DSCAM: variants seen among roughly 807,000 people sequenced by gnomAD.
The protein encoded by DSCAM is DS cell adhesion molecule, also known as cell adhesion molecule DSCAM.
DSCAM carries 47 observed loss-of-function variants against 217.7 expected under a neutral mutation model. That is an observed-to-expected ratio of 0.22 (90% CI 0.17 to 0.28). DSCAM has a LOEUF of 0.28. Among genes scored for constraint, DSCAM ranks in the 10% least tolerant of loss-of-function variants. DSCAM has a pLI of 1.00. For synonymous variants in DSCAM, 1,056 were observed against 1,015.3 expected (o/e 1.04, Z -0.76); for missense variants, 2,080 against 2,618.3 (o/e 0.79, Z 4.49).
intron 3 of DSCAM, among the ~76,000 whole-genome samples, chr21:40,437,195 G>T (rs1436705337): frequency 6.6e-6 from 1 of 152,102 alleles, no homozygotes; most frequent in Non-Finnish European, 1.5e-5. Flanking sequence ...CTTCAGAAGG[G>T]GTGTAGACAG....
intron 4 of DSCAM, among the ~76,000 whole-genome samples, chr21:40,360,843 G>T (rs1000883402): frequency 6.6e-6 from 1 of 152,160 alleles, no homozygotes; most frequent in Non-Finnish European, 1.5e-5. Context: ...TAATGGGATT[G>T]CTGGGTCAAA....
At chr21:40,139,174 G>A (rs754567152) in intron 18 of DSCAM, among the ~76,000 whole-genome samples, 4 of 151,168 alleles carry the variant, frequency 2.6e-5, no homozygotes, top group Non-Finnish European at 5.9e-5. Context: ...TGTGTGTGGT[G>A]TGGTATGTGG....
chr21:40,316,604 C>T (rs1441809732), intron 8 of DSCAM, among the ~76,000 whole-genome samples: 1 of 152,130 alleles, frequency 6.6e-6, no homozygotes, highest in African/African-American at 2.4e-5. Flanking sequence ...ACAGTAAAAG[C>T]TTGTATATCA....
At chr21:40,475,226 C>T (rs187239879) in intron 3 of DSCAM, among the ~76,000 whole-genome samples, 31 of 152,346 alleles carry the variant, frequency 2.0e-4, no homozygotes, top group African/African-American at 7.2e-4. Context: ...GTTTATTCCA[C>T]GTTTAAACCT....
intron 1 of DSCAM, among the ~76,000 whole-genome samples, chr21:40,787,152 T>C (rs925437729): frequency 2.0e-5 from 3 of 152,256 alleles, no homozygotes; most frequent in Admixed American, 6.5e-5. Context: ...TTTGCCACCA[T>C]GTGGCAGGTC....
intron 3 of DSCAM, among the ~76,000 whole-genome samples, chr21:40,613,076 G>A (rs1238745201): frequency 2.0e-5 from 3 of 152,128 alleles, no homozygotes; most frequent in East Asian, 1.9e-4. Flanking sequence ...ATGTGATGAC[G>A]AAAATCTCTA....
intron 11 of DSCAM, among the ~76,000 whole-genome samples, chr21:40,252,000 C>T (rs1435125384): frequency 6.6e-6 from 1 of 152,176 alleles, no homozygotes; most frequent in African/African-American, 2.4e-5. Flanking sequence ...CTCCTGACAA[C>T]AATTACATGA....
intron 11 of DSCAM, among the ~76,000 whole-genome samples, chr21:40,259,661 C>CT (rs542106779): frequency 0.1 from 5,971 of 59,198 alleles, 2,057 homozygotes; most frequent in Middle Eastern, 0.18. Flanking sequence ...GTCAGCCATT[C>CT]TTTTTTTTTT....
At position 40,256,438 on chromosome 21, in the gene DSCAM, G is replaced by C. The variant is rs143104160; in HGVS notation, c.2356+19659C>G. On this transcript the variant is annotated intron_variant, in intron 11 of 32. Coordinates refer to ENST00000400454, the MANE Select transcript of DSCAM (RefSeq NM_001389.5). ...AGAGAGAGAGACAGAGAGAGAGAGA[G>C]ACACACACAGACAGACACACACACA... 7.4e-3 allele frequency among the ~76,000 whole-genome samples: 1,061 copies of C among 143,962 alleles called. 12 individuals are homozygous for C. Among genetic ancestry groups the C allele is most frequent in the East Asian group, 0.039 (159 of 4,072 alleles). The allele number at this position is 143,962 out of a possible 152,430, so 94.4% of individuals were successfully genotyped here. A position where few individuals can be genotyped will look rare whatever the true frequency, so the allele number is the denominator to read the frequency against.
chr21:40,144,883 C>G lies in DSCAM; in HGVS notation c.3019-152G>C, dbSNP rs888068946. The G allele has an allele frequency of 2.7e-6, 3 of 1,104,138 alleles. No homozygotes were observed. The highest frequency in any genetic ancestry group is 2.6e-6 in the Non-Finnish European group (2 of 776,174). The allele number at this position is 1,104,138 out of a possible 1,614,324, so 68.4% of individuals were successfully genotyped here. ...CCGGTAGCAGCCGCAAACCCACGTA[C>G]AGTGCAACTTGGTCTGTGCCAGGCA... On this transcript the variant is annotated intron_variant, in intron 16 of 32. Coordinates refer to ENST00000400454, the MANE Select transcript of DSCAM (RefSeq NM_001389.5). The surrounding 1 kb of genome is among the most constrained non-coding windows in gnomAD (Gnocchi z 4.8).
At chr21:40,616,925 G>A (rs1405359050) in intron 3 of DSCAM, among the ~76,000 whole-genome samples, 12 of 148,234 alleles carry the variant, frequency 8.1e-5, no homozygotes, top group Admixed American at 8.1e-4. Context: ...GCTGAGGCAG[G>A]AGAGTGGCGT....
Position 40,013,160 on chromosome 21 carries a change from T to C in DSCAM, c.5913A>G (p.Leu1971=), listed in dbSNP as rs1383145522. The change falls in exon 33 of 33, where the codon TTA becomes TTG. Residue 1971 remains leucine (L), a synonymous_variant. Transcript: ENST00000400454. ...CCAGCTCTGCTCCCTCCCGCTGAGGTAATGTGGCCACGGCCCCCGGCTGCC... is the reference window on the plus strand; with the variant it reads ...CCAGCTCTGCTCCCTCCCGCTGAGGCAATGTGGCCACGGCCCCCGGCTGCC... ...QSWQPGAVAT[L]PQREGAELGQ... The C allele has an allele frequency of 1.3e-5, 21 of 1,613,510 alleles. No individual in the cohort carries two copies. The highest frequency in any genetic ancestry group is 1.7e-5 in the Non-Finnish European group (20 of 1,179,790).
intron 11 of DSCAM, among the ~76,000 whole-genome samples, chr21:40,266,641 A>ATATATATATATATATATATT (rs1198536188): frequency 3.6e-5 from 4 of 111,312 alleles, no homozygotes; most frequent in African/African-American, 1.8e-4. Context: ...TGTTTTATAT[A>ATATATATATATATATATATT]TATATATATA....
At chr21:40,104,339 A>C (rs1327550620) in intron 20 of DSCAM, among the ~76,000 whole-genome samples, 5 of 152,210 alleles carry the variant, frequency 3.3e-5, no homozygotes, top group African/African-American at 7.2e-5. Flanking sequence ...GAATTTACAA[A>C]ATTGAAAAAA....
At position 40,011,070 on chromosome 21, in the gene DSCAM, G is replaced by A. The variant is rs780817442; in HGVS notation, c.*1964C>T. 2 of 152,064 alleles carry A rather than the reference G, an allele frequency of 1.3e-5. No homozygotes were observed. Among genetic ancestry groups the A allele is most frequent in the Non-Finnish European group, 2.9e-5 (2 of 68,014 alleles). The allele number at this position is 152,064 out of a possible 1,614,324, so 9.4% of individuals were successfully genotyped here. A position where few individuals can be genotyped will look rare whatever the true frequency, so the allele number is the denominator to read the frequency against. On this transcript the variant is annotated 3_prime_UTR_variant, in exon 33 of 33. Coordinates refer to ENST00000400454, the MANE Select transcript of DSCAM (RefSeq NM_001389.5). Reference sequence around the variant, plus strand: ...AAAAAGGTAAACTTCTATGTTTGGGGGATATAGAAGTTTTAGGTTGATGAA... The same window carrying A: ...AAAAAGGTAAACTTCTATGTTTGGGAGATATAGAAGTTTTAGGTTGATGAA...
intron 3 of DSCAM, among the ~76,000 whole-genome samples, chr21:40,502,320 C>A (rs572723675): frequency 1.3e-5 from 2 of 152,196 alleles, no homozygotes; most frequent in East Asian, 3.9e-4. Flanking sequence ...TCAAGAAGAA[C>A]ATATCATACA....
At chr21:40,047,189 T>G (rs1260789184) in intron 30 of DSCAM, among the ~76,000 whole-genome samples, 1 of 152,160 alleles carries the variant, frequency 6.6e-6, no homozygotes, top group Non-Finnish European at 1.5e-5. Flanking sequence ...GACACATTTA[T>G]TTTTTAATAA....
At chr21:40,823,702 G>A (rs1358758105) in intron 1 of DSCAM, among the ~76,000 whole-genome samples, 1 of 152,062 alleles carries the variant, frequency 6.6e-6, no homozygotes, top group Non-Finnish European at 1.5e-5. Flanking sequence ...CTACATTTTT[G>A]TATACTTTAA....
chr21:40,210,148 G>A (rs116626858), intron 11 of DSCAM, among the ~76,000 whole-genome samples: 1 of 152,046 alleles, frequency 6.6e-6, no homozygotes, highest in Non-Finnish European at 1.5e-5. Context: ...AGGTATGACT[G>A]GCTGGCACTG....
Sources: gnomAD v4.1 joint callset for allele counts (sites outside exome capture counted in the v4.1 genomes callset) on GRCh38, gnomAD v4.1.1 for gene constraint, Gnocchi (gnomAD v3.1) non-coding constraint, MANE v1.5 for transcripts, NCBI Gene and HGNC (gene_info 2026-07-23, HGNC 2026-07-21) for gene names.